COL2A1: variants seen among roughly 807,000 people sequenced by gnomAD.
The protein encoded by COL2A1 is collagen type II alpha 1 chain.
In COL2A1, 28 loss-of-function variants were observed where a neutral mutation model predicts 204.5. The ratio of observed to expected loss-of-function variants is 0.14; its 90% confidence interval spans 0.10 to 0.19. The LOEUF is 0.19. COL2A1 is among the 10% of genes least tolerant of loss of function. The pLI, the probability that COL2A1 is intolerant of heterozygous loss-of-function variation, is 1.00. For missense variants in COL2A1, 1,388 were observed against 2,027.5 expected (o/e 0.68, Z 6.06); for synonymous variants, 708 against 718.7 (o/e 0.99, Z 0.24).
chr12:47,973,922 G>T (rs1211716413), intron 53 of COL2A1, among the ~76,000 whole-genome samples, 167 bp downstream of exon 53: 1 of 152,162 alleles, frequency 6.6e-6, no homozygotes, highest in Non-Finnish European at 1.5e-5. Context: ...AATGATATGT[G>T]CCTCTCTCTC....
upstream of COL2A1, chr12:48,006,190 T>G (rs1940461732): frequency 6.6e-6 from 1 of 152,180 alleles, no homozygotes; most frequent in Non-Finnish European, 1.5e-5. Flanking sequence ...TCTTTGGGGC[T>G]CAGAAGGTCC....
At chr12:47,996,358 C>T (rs970114715) in intron 8 of COL2A1, among the ~76,000 whole-genome samples, 190 bp downstream of exon 8, 3 of 152,184 alleles carry the variant, frequency 2.0e-5, no homozygotes, top group African/African-American at 7.2e-5. Flanking sequence ...CACTCCAGCG[C>T]ATCATTAAAA....
intron 27 of COL2A1, 59 bp from the exon 28 acceptor site, chr12:47,984,658 G>C: frequency 1.3e-6 from 2 of 1,536,222 alleles, no homozygotes; most frequent in East Asian, 2.3e-5. Flanking sequence ...GTTGGGGGCA[G>C]AGCGGGCTGC....
At chr12:47,983,006 G>T in intron 32 of COL2A1, 60 bp from the exon 33 acceptor site, 1 of 1,607,200 alleles carries the variant, frequency 6.2e-7, no homozygotes, top group Non-Finnish European at 8.5e-7. Flanking sequence ...GGTCCAGGGA[G>T]AAGCAGGGAG....
At chr12:47,984,944 G>T in intron 27 of COL2A1, 51 bp downstream of exon 27, 1 of 1,470,784 alleles carries the variant, frequency 6.8e-7, no homozygotes, top group Non-Finnish European at 9.5e-7. Context: ...AGAGGGCAGG[G>T]AGGTAGGTAG....
Position 47,978,523 on chromosome 12 carries a change from A to G in COL2A1, c.2895+74T>C. ...CACGGCCCCTGCTCCCTCCTACCCC[A>G]TGCTCTGTGAGCTCAGAAGCCACTC... On this transcript the variant is annotated intron_variant, in intron 42 of 53. Coordinates refer to ENST00000380518, the MANE Select transcript of COL2A1 (RefSeq NM_001844.5). This position sits in a 1 kb window ranked among gnomAD's most constrained non-coding sequence, Gnocchi z 5.5. 6.3e-7 allele frequency: 1 copy of G among 1,598,464 alleles called. No individual in the cohort carries two copies. The highest frequency in any genetic ancestry group is 8.5e-7 in the Non-Finnish European group (1 of 1,170,110).
intron 11 of COL2A1, 62 bp from the exon 12 acceptor site, chr12:47,994,539 C>A (rs1939858773): frequency 1.3e-6 from 2 of 1,575,406 alleles, no homozygotes; most frequent in African/African-American, 1.3e-5. Context: ...GTGGGGGCAC[C>A]CCAGAGGGCT....
chr12:47,984,662 G>T, intron 27 of COL2A1, 63 bp from the exon 28 acceptor site: 1 of 1,494,416 alleles, frequency 6.7e-7, no homozygotes. Context: ...GGGGCAGAGC[G>T]GGCTGCAGGG....
At position 47,974,142 on chromosome 12, in the gene COL2A1, G is replaced by A. The variant is rs754466377; in HGVS notation, c.4264C>T (p.Arg1422Trp). 9.9e-6 allele frequency: 16 copies of A among 1,613,582 alleles called. No individual in the cohort carries two copies. Among genetic ancestry groups the A allele is most frequent in the Admixed American group, 5.0e-5 (3 of 59,966 alleles). Residue 1422 changes from arginine to tryptophan, a missense_variant, in exon 53 of 54, where the codon CGG becomes TGG. Arg to Trp is a moderately radical substitution (Grantham distance 101). Transcript: ENST00000380518. ...GTGAACCTGCTATTGCCCTCTGCCC[G>A]GATCTCCACGTCATTGGAGCCCTGG... ...LIQGSNDVEI[R>W]AEGNSRFTYT...
intron 34 of COL2A1, 48 bp from the exon 35 acceptor site, chr12:47,982,208 C>T: frequency 6.4e-7 from 1 of 1,552,240 alleles, no homozygotes; most frequent in Middle Eastern, 1.7e-4. Flanking sequence ...CCCAGGACCC[C>T]CATGGTTTGC....
chr12:47,974,188 G>A lies in COL2A1; in HGVS notation c.4218C>T (p.Asn1406=). The A allele has an allele frequency of 6.2e-7, 1 of 1,614,240 alleles. No individual in the cohort carries two copies. Among genetic ancestry groups the A allele is most frequent in the Non-Finnish European group, 8.5e-7 (1 of 1,180,042 alleles). The part of the protein sequence containing the change: ...SIAYLDEAAG[N]LKKALLIQGS... ...CCTGGATGAGCAGGGCCTTCTTGAGGTTGCCAGCTGCTTCGTCCAGATAGG... is the reference window on the plus strand; with the variant it reads ...CCTGGATGAGCAGGGCCTTCTTGAGATTGCCAGCTGCTTCGTCCAGATAGG... Residue 1406 remains asparagine (N), a synonymous_variant, in exon 53 of 54, where the codon AAC becomes AAT. Coordinates refer to ENST00000380518, the MANE Select transcript of COL2A1 (RefSeq NM_001844.5).
In COL2A1 at chr12:47,987,141, A is replaced by C. The variant is rs2136575981; in HGVS notation, c.1302T>G (p.Pro434=). 6.2e-7 allele frequency: 1 copy of C among 1,614,124 alleles called. No homozygotes were observed. The highest frequency in any genetic ancestry group is 2.2e-5 in the East Asian group (1 of 44,868). Residue 434 remains proline (P), a synonymous_variant, in exon 21 of 54, where the codon CCT becomes CCG. Transcript: ENST00000380518. The surrounding 1 kb of genome is among the most constrained non-coding windows in gnomAD (Gnocchi z 4.1). ...APGIAGAPGF[P]GPRGPPGPQG... is the part of the protein sequence containing the mutation. ...GAGGGCCAGGAGGGCCCCGTGGCCC[A>C]GGGAAGCCAGGAGCACCAGCAATGC...
At chr12:47,984,450 G>A (rs1939270630) in intron 28 of COL2A1, 96 bp downstream of exon 28, 7 of 1,268,810 alleles carry the variant, frequency 5.5e-6, no homozygotes, top group Admixed American at 1.8e-5. Flanking sequence ...CAATACTGAG[G>A]GGTCCCGGGA....
chr12:47,974,694 G>T lies in COL2A1; in HGVS notation c.4055C>A (p.Thr1352Asn). The change falls in exon 52 of 54, where the codon ACC (threonine) becomes AAC (asparagine). Residue 1352 changes from threonine to asparagine, a missense_variant. Physicochemically the swap from Thr to Asn is moderately conservative, Grantham distance 65. This residue lies in a region of COL2A1 where 303 missense variants were observed against 369.2 expected (regional missense o/e 0.82). Coordinates refer to ENST00000380518, the MANE Select transcript of COL2A1 (RefSeq NM_001844.5). ...ACTCACATGGAAGCCACCATTGATG[G>T]TTTCTCCAAACCAGATGTGTTTCTT... ...KEKKHIWFGE[T>N]INGGFHFSYG... 1 of 1,614,170 alleles carries T rather than the reference G, an allele frequency of 6.2e-7. No homozygotes were observed. Among genetic ancestry groups the T allele is most frequent in the South Asian group, 1.1e-5 (1 of 91,078 alleles).
At chr12:47,989,726 G>A (rs1255947060) in intron 17 of COL2A1, 35 bp downstream of exon 17, 7 of 1,608,022 alleles carry the variant, frequency 4.4e-6, no homozygotes, top group African/African-American at 1.3e-5. Context: ...TTAAAGCACA[G>A]CAACAATGAC....
chr12:47,984,541 C>T lies in COL2A1; in HGVS notation c.1887+5G>A, dbSNP rs774641429. On this transcript the variant is annotated splice_donor_5th_base_variant and intron_variant, in intron 28 of 53. Coordinates refer to ENST00000380518, the MANE Select transcript of COL2A1 (RefSeq NM_001844.5). ...AAGTCATGGGCAGCGGGGAAGGATA[C>T]TTACCCTCAGACCAGGAGCACCAGG... The T allele has an allele frequency of 6.2e-7, 1 of 1,614,146 alleles. No individual in the cohort carries two copies. The highest frequency in any genetic ancestry group is 8.5e-7 in the Non-Finnish European group (1 of 1,180,020).
At chr12:47,975,763 C>G (rs1224926097) in intron 50 of COL2A1, among the ~76,000 whole-genome samples, 158 bp from the exon 51 acceptor site, 7 of 152,238 alleles carry the variant, frequency 4.6e-5, no homozygotes, top group African/African-American at 1.7e-4. Flanking sequence ...AGCACCATGT[C>G]TATTTCTTCC....
At chr12:47,988,721 A>G (rs1592222839) in intron 18 of COL2A1, among the ~76,000 whole-genome samples, 1 of 152,214 alleles carries the variant, frequency 6.6e-6, no homozygotes, top group African/African-American at 2.4e-5. Flanking sequence ...CTGGCCTCCC[A>G]CTGGCCTCTA....
Position 47,986,374 on chromosome 12 carries a change from G to C in COL2A1, c.1489C>G (p.Pro497Ala). The C allele has an allele frequency of 6.4e-7, 1 of 1,570,326 alleles. No individual in the cohort carries two copies. The highest frequency in any genetic ancestry group is 8.6e-7 in the Non-Finnish European group (1 of 1,157,138). ...EEGKRGARGE[P>A]GGVGPIGPPG... Reference sequence around the variant, plus strand: ...GGACCGATGGGCCCAACGCCACCAGGCTCTCCACGGGCACCTCTCTTGCCT... The same window carrying C: ...GGACCGATGGGCCCAACGCCACCAGCCTCTCCACGGGCACCTCTCTTGCCT... The change falls in exon 23 of 54, where the codon CCT becomes GCT. Residue 497 changes from proline (P) to alanine (A), a missense_variant. Physicochemically the swap from Pro to Ala is conservative, Grantham distance 27. This residue lies in a region of COL2A1 where 884 missense variants were observed against 1,415.8 expected (regional missense o/e 0.62). Transcript: ENST00000380518.
Sources: gnomAD v4.1 joint callset for allele counts (sites outside exome capture counted in the v4.1 genomes callset) on GRCh38, gnomAD v4.1.1 for gene constraint, gnomAD v4.1.1 regional missense constraint, Gnocchi (gnomAD v3.1) non-coding constraint, MANE v1.5 for transcripts, NCBI Gene and HGNC (gene_info 2026-07-23, HGNC 2026-07-21) for gene names.